The following DLGAP4 variants were observed in gnomAD, a reference collection of about 807,000 sequenced individuals.
DLGAP4 encodes DLG associated protein 4, also known as disks large-associated protein 4.
In DLGAP4, 18 loss-of-function variants were observed where a neutral mutation model predicts 86.9. The ratio of observed to expected loss-of-function variants is 0.21; its 90% CI spans 0.14 to 0.31. DLGAP4 has a LOEUF of 0.31. Among genes scored for constraint, DLGAP4 ranks in the 10% least tolerant of loss-of-function variants. The pLI, the probability that DLGAP4 is intolerant of heterozygous loss-of-function variation, is 1.00. For missense variants in DLGAP4, 1,085 were observed against 1,362.6 expected (o/e 0.80, Z 3.21); for synonymous variants, 548 against 574.3 (o/e 0.95, Z 0.65).
intron 10 of DLGAP4, among the ~76,000 whole-genome samples, chr20:36,516,340 T>C (rs904062510): frequency 1.3e-5 from 2 of 152,158 alleles, no homozygotes; most frequent in African/African-American, 4.8e-5. Flanking sequence ...TGTAGGATTC[T>C]AGTACTTCGC....
intron 1 of DLGAP4, among the ~76,000 whole-genome samples, chr20:36,318,625 C>T (rs1260344845): frequency 6.6e-6 from 1 of 152,178 alleles, no homozygotes; most frequent in Admixed American, 6.5e-5. Context: ...CCTCCCACCT[C>T]AACCTCTCAA....
At chr20:36,365,651 G>T (rs1035895563) in intron 1 of DLGAP4, among the ~76,000 whole-genome samples, 2 of 152,200 alleles carry the variant, frequency 1.3e-5, no homozygotes, top group Admixed American at 6.5e-5. Context: ...TTGTAAGGCT[G>T]TGGCAGGAAG....
At chr20:36,446,134 A>AGACCCCTTTCCC (rs1488162233) in intron 6 of DLGAP4, among the ~76,000 whole-genome samples, 3 of 152,168 alleles carry the variant, frequency 2.0e-5, no homozygotes, top group Non-Finnish European at 4.4e-5. Flanking sequence ...CCTCCATTCC[A>AGACCCCTTTCCC]GACCCCTTTC....
intron 7 of DLGAP4, among the ~76,000 whole-genome samples, chr20:36,469,856 C>G (rs1261897084): frequency 6.6e-6 from 1 of 152,120 alleles, no homozygotes; most frequent in Non-Finnish European, 1.5e-5. Flanking sequence ...CTCCTTCTCC[C>G]TGGGGGAACG....
chr20:36,461,702 C>A, intron 7 of DLGAP4: 2 of 579,186 alleles, frequency 3.5e-6, no homozygotes, highest in Non-Finnish European at 4.2e-6. Flanking sequence ...CCGCCCTCGC[C>A]CTCCTCCTCC....
intron 7 of DLGAP4, among the ~76,000 whole-genome samples, chr20:36,459,527 T>G (rs116766783): frequency 0.017 from 2,597 of 152,278 alleles, 24 homozygotes; most frequent in Middle Eastern, 0.031. Flanking sequence ...CACAGGCACA[T>G]GCCACCACAC....
At chr20:36,326,999 T>G (rs1290743491) in intron 1 of DLGAP4, among the ~76,000 whole-genome samples, 2 of 140,594 alleles carry the variant, frequency 1.4e-5, no homozygotes, top group African/African-American at 5.4e-5. Flanking sequence ...ATTTTCTCTT[T>G]TTTTTTTTTT....
At chr20:36,525,234 A>C (rs1391359257) in intron 11 of DLGAP4, among the ~76,000 whole-genome samples, 3 of 125,528 alleles carry the variant, frequency 2.4e-5, no homozygotes, top group African/African-American at 9.5e-5. Context: ...AAAAAAAAAA[A>C]AAAAAAAAAA....
chr20:36,394,500 T>A (rs1461094787), intron 2 of DLGAP4, among the ~76,000 whole-genome samples: 2 of 152,094 alleles, frequency 1.3e-5, no homozygotes, highest in Non-Finnish European at 2.9e-5. Context: ...ATGACGTCAG[T>A]CATTAAGTGG....
intron 2 of DLGAP4, among the ~76,000 whole-genome samples, chr20:36,423,656 A>T (rs1036818392): frequency 6.6e-6 from 1 of 151,718 alleles, no homozygotes. Context: ...TCTATATGAC[A>T]TCACAGTTCA....
intron 10 of DLGAP4, among the ~76,000 whole-genome samples, chr20:36,520,264 T>A (rs530581480): frequency 1.3e-5 from 2 of 152,302 alleles, no homozygotes; most frequent in East Asian, 3.9e-4. Context: ...CTTATATATA[T>A]ATATTCTTGG....
rs191438567 is a variant in DLGAP4, at chr20:36,500,932, T to C, written c.2512+321T>C. On this transcript the variant is annotated intron_variant, in intron 10 of 12. Transcript: ENST00000339266. This position sits in a 1 kb window ranked among gnomAD's most constrained non-coding sequence, Gnocchi z 4.6. The stretch of plus-strand genomic sequence containing the variant: ...GTTACTCCGAGCCCCCATTTCCTCA[T>C]CTGTAAAATGGAGCTAATCCTCTGC... Among the ~76,000 whole-genome samples, 62 of 152,186 alleles carry C rather than the reference T, an allele frequency of 4.1e-4. No homozygotes were observed. Among genetic ancestry groups the C allele is most frequent in the African/African-American group, 1.4e-3 (59 of 41,512 alleles).
intron 1 of DLGAP4, among the ~76,000 whole-genome samples, chr20:36,354,499 G>A (rs1271565423): frequency 7.2e-5 from 11 of 151,964 alleles, no homozygotes. Context: ...CAGCACATCC[G>A]GACTGACTCC....
intron 1 of DLGAP4, among the ~76,000 whole-genome samples, chr20:36,338,357 T>C (rs2065343357): frequency 6.6e-6 from 1 of 151,322 alleles, no homozygotes; most frequent in African/African-American, 2.4e-5. Context: ...AGGTCGGGAG[T>C]TCAAGACCAG....
intron 2 of DLGAP4, among the ~76,000 whole-genome samples, chr20:36,430,178 G>A (rs1197775639): frequency 6.6e-6 from 1 of 152,240 alleles, no homozygotes; most frequent in Non-Finnish European, 1.5e-5. Context: ...TTTTACAACA[G>A]GGGAAACTGA....
At chr20:36,441,015 G>T (rs2033431758) in intron 5 of DLGAP4, among the ~76,000 whole-genome samples, 2 of 152,116 alleles carry the variant, frequency 1.3e-5, no homozygotes, top group African/African-American at 2.4e-5. Context: ...AGCCCAGGGA[G>T]CCCCCTGCCC....
intron 2 of DLGAP4, among the ~76,000 whole-genome samples, chr20:36,397,597 A>G (rs998590225): frequency 6.6e-6 from 1 of 152,130 alleles, no homozygotes; most frequent in Non-Finnish European, 1.5e-5. Context: ...ACTGAAGACT[A>G]TACGTCTCTA....
intron 6 of DLGAP4, 100 bp from the exon 7 acceptor site, chr20:36,446,597 C>A: frequency 1.7e-6 from 2 of 1,172,544 alleles, no homozygotes. Flanking sequence ...GGTCAGACCC[C>A]ACAGACTGTC....
intron 10 of DLGAP4, among the ~76,000 whole-genome samples, chr20:36,509,486 G>A (rs555874732): frequency 7.2e-5 from 11 of 152,128 alleles, no homozygotes; most frequent in African/African-American, 2.4e-4. Flanking sequence ...CAGGAGAATC[G>A]CTTGAACCCA....
Sources: gnomAD v4.1 joint callset for allele counts (sites outside exome capture counted in the v4.1 genomes callset) on GRCh38, gnomAD v4.1.1 for gene constraint, Gnocchi (gnomAD v3.1) non-coding constraint, MANE v1.5 for transcripts, NCBI Gene and HGNC (gene_info 2026-07-23, HGNC 2026-07-21) for gene names.